The following CNTN4 variants were observed in gnomAD, a reference collection of about 807,000 sequenced individuals.
The protein encoded by CNTN4 is contactin 4.
A neutral mutation model predicts 122.5 loss-of-function variants in CNTN4; 77 were observed. That is an observed-to-expected ratio of 0.63 (90% CI 0.52 to 0.76). The LOEUF (loss-of-function observed/expected upper bound fraction) is 0.76. Among genes scored for constraint, CNTN4 ranks in the 30% least tolerant of loss-of-function variants. The pLI is 0.00. For synonymous variants in CNTN4, 512 were observed against 447.0 expected (o/e 1.15, Z -1.83); for missense variants, 1,256 against 1,259.1 (o/e 1.00, Z 0.04).
chr3:2,658,889 A>G (rs1278239732), intron 4 of CNTN4, among the ~76,000 whole-genome samples: 1 of 151,852 alleles, frequency 6.6e-6, no homozygotes, highest in Non-Finnish European at 1.5e-5. Context: ...GCTGCAAATC[A>G]TGAATCCATA....
intron 2 of CNTN4, among the ~76,000 whole-genome samples, chr3:2,146,993 G>T (rs368497403): frequency 7.0e-4 from 107 of 152,100 alleles, no homozygotes; most frequent in African/African-American, 2.5e-3. Flanking sequence ...CGATTCTCCT[G>T]CCTCAGCCTC....
intron 3 of CNTN4, among the ~76,000 whole-genome samples, chr3:2,346,962 A>G (rs1345429188): frequency 1.3e-5 from 2 of 151,612 alleles, no homozygotes; most frequent in African/African-American, 4.9e-5. Flanking sequence ...TCTTAAACAT[A>G]TTTGGACCAT....
chr3:2,165,609 A>G (rs148711324), intron 2 of CNTN4, among the ~76,000 whole-genome samples: 2 of 152,292 alleles, frequency 1.3e-5, no homozygotes, highest in African/African-American at 2.4e-5. Context: ...CATGCTGTAC[A>G]TTAGGTATCC....
Position 2,814,511 on chromosome 3 carries a change from G to A in CNTN4, c.359-4975G>A, listed in dbSNP as rs184344367. Among the ~76,000 whole-genome samples the A allele has an allele frequency of 1.2e-4, 18 of 152,240 alleles. No individual in the cohort carries two copies. In the East Asian group the frequency reaches 3.5e-3, roughly 29 times the overall value. ...TCCATGTTGAGTGCCCAACCACAAA[G>A]AAAAGCAGAGGAATAGAAGATTTGA... is the stretch of plus-strand genomic sequence containing the variant. On this transcript the variant is annotated intron_variant, in intron 6 of 24. Coordinates refer to ENST00000418658, the MANE Select transcript of CNTN4 (RefSeq NM_175607.3).
At chr3:2,753,531 C>T (rs887532903) in intron 6 of CNTN4, among the ~76,000 whole-genome samples, 5 of 151,972 alleles carry the variant, frequency 3.3e-5, no homozygotes, top group African/African-American at 9.7e-5. Context: ...TAACTTTCAC[C>T]AAGGATACAG....
chr3:2,747,337 A>C (rs9837646), intron 6 of CNTN4, among the ~76,000 whole-genome samples: 1 of 150,064 alleles, frequency 6.7e-6, no homozygotes, highest in Non-Finnish European at 1.5e-5. Flanking sequence ...GGAACCCGGG[A>C]GGCGGAGCTT....
intron 4 of CNTN4, among the ~76,000 whole-genome samples, chr3:2,729,380 C>G (rs1002272062): frequency 4.7e-5 from 7 of 148,432 alleles, no homozygotes; most frequent in African/African-American, 1.8e-4. Flanking sequence ...CCGGCTAACA[C>G]AAAATTAACA....
chr3:2,506,356 A>G (rs1180925747), intron 3 of CNTN4, among the ~76,000 whole-genome samples: 1 of 152,224 alleles, frequency 6.6e-6, no homozygotes, highest in African/African-American at 2.4e-5. Context: ...TTAGTGAAAA[A>G]GCCGATTATA....
At chr3:2,898,821 C>T (rs775920630) in intron 10 of CNTN4, among the ~76,000 whole-genome samples, 36 of 152,194 alleles carry the variant, frequency 2.4e-4, no homozygotes, top group Non-Finnish European at 4.7e-4. Context: ...TTCATGGACT[C>T]TGTAGGGGTC....
rs142307684 is a variant in CNTN4, at chr3:2,872,468, T to G, written c.652+5519T>G. On this transcript the variant is annotated intron_variant, in intron 8 of 24. Coordinates refer to ENST00000418658, the MANE Select transcript of CNTN4 (RefSeq NM_175607.3). ...GGTTTGGAAGGTTTGGAAGGTTTTT[T>G]TTTTGTTTTGTTTTGTTTTTTAAAT... Among the ~76,000 whole-genome samples the G allele has an allele frequency of 3.8e-3, 574 of 152,284 alleles. 3 individuals are homozygous for G. The highest frequency in any genetic ancestry group is 0.024 in the East Asian group (126 of 5,180).
At chr3:3,045,849 G>A (rs553364517) in intron 23 of CNTN4, among the ~76,000 whole-genome samples, 368 of 152,200 alleles carry the variant, frequency 2.4e-3, no homozygotes, top group African/African-American at 7.7e-3. Flanking sequence ...GAGGAAGTTC[G>A]AACCCATCCC....
At chr3:2,135,580 A>C (rs549101931) in intron 2 of CNTN4, among the ~76,000 whole-genome samples, 7 of 151,552 alleles carry the variant, frequency 4.6e-5, no homozygotes, top group Non-Finnish European at 1.0e-4. Flanking sequence ...TAATCAGCGC[A>C]TATTTGTTGT....
At chr3:2,910,875 C>T (rs1191707752) in intron 12 of CNTN4, among the ~76,000 whole-genome samples, 2 of 152,064 alleles carry the variant, frequency 1.3e-5, no homozygotes, top group Non-Finnish European at 2.9e-5. Flanking sequence ...CCCAATGGAC[C>T]AGTTGCCATT....
chr3:2,735,309 A>G (rs1472910633), intron 4 of CNTN4, among the ~76,000 whole-genome samples: 1 of 152,246 alleles, frequency 6.6e-6, no homozygotes, highest in Admixed American at 6.5e-5. Flanking sequence ...ATGCATTTTG[A>G]ACAATATTTA....
At chr3:2,516,961 A>G (rs980767994) in intron 3 of CNTN4, among the ~76,000 whole-genome samples, 11 of 152,140 alleles carry the variant, frequency 7.2e-5, no homozygotes, top group Non-Finnish European at 1.5e-4. Context: ...AATGTAAATA[A>G]GGAAGTAGAG....
intron 13 of CNTN4, among the ~76,000 whole-genome samples, chr3:2,932,900 G>A (rs2094535233): frequency 6.6e-6 from 1 of 152,038 alleles, no homozygotes; most frequent in South Asian, 2.1e-4. Flanking sequence ...TCGGCTCCCT[G>A]CGAGCTCCGC....
At chr3:2,508,883 A>G (rs1559618631) in intron 3 of CNTN4, among the ~76,000 whole-genome samples, 3 of 152,200 alleles carry the variant, frequency 2.0e-5, no homozygotes, top group Admixed American at 6.6e-5. Flanking sequence ...TCCCAGATTT[A>G]GATTTTTATT....
At chr3:2,134,264 G>T (rs920659870) in intron 2 of CNTN4, among the ~76,000 whole-genome samples, 1 of 152,146 alleles carries the variant, frequency 6.6e-6, no homozygotes, top group African/African-American at 2.4e-5. Flanking sequence ...AAGATTCTCT[G>T]TCCCCACAAT....
At chr3:2,654,552 C>T (rs1397231995) in intron 4 of CNTN4, among the ~76,000 whole-genome samples, 7 of 152,094 alleles carry the variant, frequency 4.6e-5, no homozygotes, top group African/African-American at 9.7e-5. Context: ...GTATTAATTC[C>T]GGGAATGAGT....
Sources: gnomAD v4.1 joint callset for allele counts (sites outside exome capture counted in the v4.1 genomes callset) on GRCh38, gnomAD v4.1.1 for gene constraint, MANE v1.5 for transcripts, NCBI Gene and HGNC (gene_info 2026-07-23, HGNC 2026-07-21) for gene names.